NLRP5: variants seen among roughly 807,000 people sequenced by gnomAD.
The protein encoded by NLRP5 is NLR family pyrin domain containing 5, also known as NACHT, LRR and PYD domains-containing protein 5.
Under a neutral mutation model 113.1 loss-of-function variants are expected in NLRP5, and 93 were observed. The observed-to-expected ratio is 0.82, with a 90% CI of 0.70 to 0.98. NLRP5 has a LOEUF of 0.98. NLRP5 is among the 50% of genes least tolerant of loss of function. NLRP5 has a pLI of 0.00. For synonymous variants in NLRP5, 751 were observed against 600.7 expected, an observed-to-expected ratio of 1.25 and a Z score of -3.66; for missense variants, 1,808 against 1,514.3, an observed-to-expected ratio of 1.19 and a Z score of -3.22.
chr19:56,031,904 C>G (rs1568493466), intron 7 of NLRP5, among the ~76,000 whole-genome samples: 1 of 152,192 alleles, frequency 6.6e-6, no homozygotes, highest in Non-Finnish European at 1.5e-5. Flanking sequence ...ACATCCTGAT[C>G]TCAGTTCTTC....
At position 56,001,332 on chromosome 19, in the gene NLRP5, A is replaced by C. The variant is rs377547680; in HGVS notation, c.62+1545A>C. 8.1e-4 allele frequency among the ~76,000 whole-genome samples: 111 copies of C among 137,772 alleles called. 5 individuals are homozygous for C. The highest frequency in any genetic ancestry group is 2.1e-3 in the Admixed American group (29 of 13,874). 90.4% of individuals were successfully genotyped at this position (137,772 alleles called of 152,430 possible). ...AGCAAGACTCAGTCATTTAAAAAAA[A>C]AAACAAACAAAAAACACCACAGCTT... On this transcript the variant is annotated intron_variant, in intron 1 of 14. Coordinates refer to ENST00000390649, the MANE Select transcript of NLRP5 (RefSeq NM_153447.4).
At chr19:56,008,708 A>G (rs1303415668) in intron 2 of NLRP5, 80 bp from the exon 3 acceptor site, 1 of 1,249,006 alleles carries the variant, frequency 8.0e-7, no homozygotes, top group Non-Finnish European at 1.1e-6. Flanking sequence ...CATAATTTGG[A>G]CACGGGACAT....
Position 56,043,542 on chromosome 19 carries a change from C to CTTTTTTTTT in NLRP5, c.2957+2483_2957+2491dup, listed in dbSNP as rs369622191. 7.9e-4 allele frequency among the ~76,000 whole-genome samples: 73 copies of CTTTTTTTTT among 92,906 alleles called. 9 individuals carry two copies. Among genetic ancestry groups the CTTTTTTTTT allele is most frequent in the Admixed American group, 1.2e-3 (11 of 9,190 alleles). 60.9% of individuals were successfully genotyped at this position (92,906 alleles called of 152,430 possible). A position where few individuals can be genotyped will look rare whatever the true frequency, so the allele number is the denominator to read the frequency against. On this transcript the variant is annotated intron_variant, in intron 11 of 14. Transcript: ENST00000390649. ...TGGATTGTCTGTTTACTCTGCTATT[C>CTTTTTTTTT]TTTTTTTTTTTTTTTTTTTTTTTTT...
At chr19:55,996,989 T>C (rs56064184), upstream of NLRP5, among the ~76,000 whole-genome samples, 15,983 of 150,216 alleles carry the variant, frequency 0.11, 933 homozygotes, top group Middle Eastern at 0.15. Flanking sequence ...ACATCCTCTC[T>C]AGCACCTGTT....
At chr19:55,987,048 C>T in the NLRP5 span, among the ~76,000 whole-genome samples, 211 of 152,320 alleles carry the variant, frequency 1.4e-3, 1 homozygote, top group Non-Finnish European at 2.6e-3. Flanking sequence ...GTAAGTCTCT[C>T]GTCCTTTTCA....
chr19:56,041,326 A>T (rs752275798), intron 11 of NLRP5, among the ~76,000 whole-genome samples: 39 of 152,116 alleles, frequency 2.6e-4, no homozygotes, highest in Non-Finnish European at 3.7e-4. Flanking sequence ...GTCAGTTCTC[A>T]TAATTGGAGG....
chr19:56,050,266 C>T (rs1382470667), intron 11 of NLRP5, among the ~76,000 whole-genome samples, 152 bp from the exon 12 acceptor site: 2 of 121,318 alleles, frequency 1.6e-5, no homozygotes, highest in African/African-American at 6.3e-5. Flanking sequence ...GGTGACAGAG[C>T]AAGACTCCTC....
intron 1 of NLRP5, among the ~76,000 whole-genome samples, chr19:56,002,523 G>A (rs1981694720): frequency 6.6e-6 from 1 of 151,194 alleles, no homozygotes; most frequent in African/African-American, 2.4e-5. Context: ...GTGCAGGTTT[G>A]TTACATATGT....
intron 7 of NLRP5, among the ~76,000 whole-genome samples, chr19:56,030,796 C>G (rs937477528): frequency 5.0e-5 from 7 of 141,214 alleles, no homozygotes; most frequent in East Asian, 4.5e-4. Context: ...CTCACTGCAA[C>G]CTCCACCTCC....
Position 56,032,760 on chromosome 19 carries a change from C to T in NLRP5, c.2426C>T (p.Thr809Ile), listed in dbSNP as rs757457232. Residue 809 changes from threonine (T) to isoleucine (I), a missense_variant, in exon 8 of 15, where the codon ACC becomes ATC. By Grantham distance (89) the Thr-to-Ile change is moderately conservative. Transcript: ENST00000390649. ...CTGTGTGCCAAGCTGAGGCATCCCA[C>T]CTGCAAGATACAGACCCTGATGTAA... The T allele has an allele frequency of 3.7e-6, 6 of 1,611,616 alleles. No individual in the cohort carries two copies. Among genetic ancestry groups the T allele is most frequent in the Non-Finnish European group, 5.1e-6 (6 of 1,179,422 alleles).
chr19:56,026,071 T>C (rs1982832212), intron 6 of NLRP5, among the ~76,000 whole-genome samples: 1 of 151,988 alleles, frequency 6.6e-6, no homozygotes, highest in Admixed American at 6.6e-5. Flanking sequence ...CAGAGCTATT[T>C]TGTAGATTGT....
chr19:56,035,130 G>A (rs147780993), intron 9 of NLRP5, among the ~76,000 whole-genome samples: 1 of 152,068 alleles, frequency 6.6e-6, no homozygotes, highest in Non-Finnish European at 1.5e-5. Context: ...GTAGAGATGG[G>A]GGTTTCACCA....
At chr19:55,994,182 A>C in the NLRP5 span, among the ~76,000 whole-genome samples, 1 of 152,200 alleles carries the variant, frequency 6.6e-6, no homozygotes, top group Non-Finnish European at 1.5e-5. Flanking sequence ...AATGCAAATC[A>C]AAACCACAGT....
chr19:55,996,317 C>G (rs1454733971), upstream of NLRP5, among the ~76,000 whole-genome samples: 1 of 152,126 alleles, frequency 6.6e-6, no homozygotes, highest in East Asian at 1.9e-4. Context: ...TCTTCTGCGT[C>G]TTATCATAAA....
chr19:56,007,884 T>C (rs1257403291), intron 2 of NLRP5, among the ~76,000 whole-genome samples: 8 of 99,952 alleles, frequency 8.0e-5, no homozygotes, highest in African/African-American at 1.4e-4. Context: ...TGTGTGTGTG[T>C]GTGTGCGCGT....
At chr19:56,026,716 A>T (rs928074425) in intron 6 of NLRP5, among the ~76,000 whole-genome samples, 197 bp from the exon 7 acceptor site, 1 of 151,168 alleles carries the variant, frequency 6.6e-6, no homozygotes, top group African/African-American at 2.4e-5. Context: ...GTAGCTGGGG[A>T]CTACAGGTGC....
At chr19:56,003,647 G>A (rs1283627450) in intron 1 of NLRP5, 89 bp from the exon 2 acceptor site, 14 of 1,449,350 alleles carry the variant, frequency 9.7e-6, no homozygotes, top group East Asian at 4.6e-5. Flanking sequence ...AGAGAAGGCC[G>A]TTCATCTAGT....
At chr19:56,038,738 GTGT>G (rs1001200000) in intron 10 of NLRP5, among the ~76,000 whole-genome samples, 17 of 152,304 alleles carry the variant, frequency 1.1e-4, no homozygotes, top group African/African-American at 2.9e-4. Flanking sequence ...ACCCAGGCCT[GTGT>G]TGTTGTAGCA....
chr19:56,005,742 A>C (rs955640859), intron 2 of NLRP5, among the ~76,000 whole-genome samples: 2 of 152,172 alleles, frequency 1.3e-5, no homozygotes, highest in African/African-American at 4.8e-5. Context: ...GCTTGGAAAA[A>C]AGGCCCAGTG....
Sources: gnomAD v4.1 joint callset for allele counts (sites outside exome capture counted in the v4.1 genomes callset) on GRCh38, gnomAD v4.1.1 for gene constraint, MANE v1.5 for transcripts, NCBI Gene and HGNC (gene_info 2026-07-23, HGNC 2026-07-21) for gene names.